COL21A1: variants seen among roughly 807,000 people sequenced by gnomAD.
COL21A1 encodes collagen alpha-1(XXI) chain.
In COL21A1, 149 loss-of-function variants were observed where a neutral mutation model predicts 137.9. The ratio of observed to expected loss-of-function variants is 1.08; its 90% CI spans 0.95 to 1.24. COL21A1 has a LOEUF of 1.24. Among genes scored for constraint, COL21A1 ranks in the 50% most tolerant of loss-of-function variants. The pLI, the probability that COL21A1 is intolerant of heterozygous loss-of-function variation, is 0.00. For missense variants in COL21A1, 1,167 were observed against 1,158.4 expected, an observed-to-expected ratio of 1.01 and a Z score of -0.11; for synonymous variants, 456 against 391.5, an observed-to-expected ratio of 1.16 and a Z score of -1.95.
At chr6:56,318,437 T>A (rs879399119) in intron 1 of COL21A1, among the ~76,000 whole-genome samples, 1 of 152,054 alleles carries the variant, frequency 6.6e-6, no homozygotes, top group South Asian at 2.1e-4. Context: ...CCTTTTCAGA[T>A]TTTTTCTCTC....
intron 1 of COL21A1, among the ~76,000 whole-genome samples, chr6:56,214,666 A>T (rs1467288578): frequency 1.3e-5 from 2 of 151,962 alleles, no homozygotes; most frequent in African/African-American, 4.8e-5. Flanking sequence ...TTCATTTAGA[A>T]CATTTTTTGC....
intron 1 of COL21A1, among the ~76,000 whole-genome samples, chr6:56,311,632 G>A (rs1016552637): frequency 1.3e-5 from 2 of 152,134 alleles, no homozygotes; most frequent in South Asian, 2.1e-4. Flanking sequence ...TGGTGTGTGT[G>A]TACATGTATT....
At chr6:56,189,239 G>A (rs1412053451) in intron 1 of COL21A1, among the ~76,000 whole-genome samples, 3 of 151,932 alleles carry the variant, frequency 2.0e-5, no homozygotes, top group African/African-American at 7.3e-5. Flanking sequence ...TAGATGAATT[G>A]ATAACTAGAA....
chr6:56,270,855 C>T (rs114262061), intron 1 of COL21A1, among the ~76,000 whole-genome samples: 2,232 of 152,270 alleles, frequency 0.015, 26 homozygotes, highest in Non-Finnish European at 0.024. Flanking sequence ...TCACCTTCTG[C>T]CACAATTGTA....
intron 1 of COL21A1, among the ~76,000 whole-genome samples, chr6:56,352,254 G>A (rs1344212868): frequency 6.6e-6 from 1 of 152,100 alleles, no homozygotes; most frequent in Non-Finnish European, 1.5e-5. Flanking sequence ...GCTCAGCACA[G>A]CACTGTTACT....
At chr6:56,280,530 T>C (rs1464863876) in intron 1 of COL21A1, among the ~76,000 whole-genome samples, 2 of 152,166 alleles carry the variant, frequency 1.3e-5, no homozygotes, top group African/African-American at 2.4e-5. Flanking sequence ...CCTGTCTTTA[T>C]GGTGAGTAAA....
At chr6:56,159,444 T>C (rs1776029116) in intron 9 of COL21A1, among the ~76,000 whole-genome samples, 1 of 151,422 alleles carries the variant, frequency 6.6e-6, no homozygotes, top group Non-Finnish European at 1.5e-5. Context: ...GTGATTCTCC[T>C]GCCTCACCCT....
intron 1 of COL21A1, among the ~76,000 whole-genome samples, chr6:56,366,046 G>T (rs984841398): frequency 1.3e-5 from 2 of 152,160 alleles, no homozygotes; most frequent in Admixed American, 6.5e-5. Context: ...GAAAATTCAA[G>T]GAAAAGGTTA....
intron 1 of COL21A1, among the ~76,000 whole-genome samples, chr6:56,267,592 T>G (rs1173910009): frequency 6.6e-6 from 1 of 151,750 alleles, no homozygotes; most frequent in Non-Finnish European, 1.5e-5. Flanking sequence ...AACCCATCTC[T>G]ACTAAAAATA....
chr6:56,173,535 A>G (rs190020877), intron 3 of COL21A1, among the ~76,000 whole-genome samples: 1 of 152,302 alleles, frequency 6.6e-6, no homozygotes, highest in Admixed American at 6.5e-5. Flanking sequence ...AAGATATTCC[A>G]TGCAAATGGT....
intron 1 of COL21A1, among the ~76,000 whole-genome samples, chr6:56,193,034 G>A (rs1031416230): frequency 6.6e-6 from 1 of 152,078 alleles, no homozygotes. Context: ...GATGAAGCTG[G>A]GAATCACCAT....
At chr6:56,103,800 A>G (rs570580843) in intron 16 of COL21A1, among the ~76,000 whole-genome samples, 1 of 152,272 alleles carries the variant, frequency 6.6e-6, no homozygotes, top group Admixed American at 6.5e-5. Flanking sequence ...AATCACCCGG[A>G]AGGTTTGTTA....
intron 1 of COL21A1, among the ~76,000 whole-genome samples, chr6:56,245,065 T>C (rs1228307192): frequency 6.6e-6 from 1 of 152,218 alleles, no homozygotes; most frequent in Non-Finnish European, 1.5e-5. Context: ...CTTCCTCTTA[T>C]ATTTTCTTGA....
In COL21A1 at chr6:56,179,660, A is replaced by T. The variant is rs369994386; in HGVS notation, c.558T>A (p.Pro186=). 1.3e-5 allele frequency: 21 copies of T among 1,613,830 alleles called. No homozygotes were observed. The highest frequency in any genetic ancestry group is 2.7e-5 in the African/African-American group (2 of 74,932). The change falls in exon 3 of 30, where the codon CCT becomes CCA. Residue 186 remains proline, a synonymous_variant. Coordinates refer to ENST00000244728, the MANE Select transcript of COL21A1 (RefSeq NM_030820.4). ...DAELRAIANK[P]SSTYVFYVED... Reference sequence around the variant, plus strand: ...CCACATAAAACACATAAGTAGACGAAGGCTTGTTGGCAATAGCTCTAAGTT... The same window carrying T: ...CCACATAAAACACATAAGTAGACGATGGCTTGTTGGCAATAGCTCTAAGTT...
intron 1 of COL21A1, among the ~76,000 whole-genome samples, chr6:56,322,690 C>T (rs1275145181): frequency 1.3e-5 from 2 of 152,022 alleles, no homozygotes; most frequent in East Asian, 1.9e-4. Flanking sequence ...AAACCTTAAA[C>T]TTATACAAGA....
At chr6:56,359,548 A>T (rs1419418596) in intron 1 of COL21A1, among the ~76,000 whole-genome samples, 1 of 152,230 alleles carries the variant, frequency 6.6e-6, no homozygotes, top group Non-Finnish European at 1.5e-5. Context: ...ACATTAATAA[A>T]GTCACATTTC....
intron 17 of COL21A1, among the ~76,000 whole-genome samples, chr6:56,084,367 TTTG>T (rs1768048209): frequency 6.6e-6 from 1 of 151,850 alleles, no homozygotes; most frequent in African/African-American, 2.4e-5. Flanking sequence ...GTGGATCCAA[TTTG>T]TTGTTTAAAA....
At chr6:56,151,097 G>T (rs1775286431) in intron 10 of COL21A1, among the ~76,000 whole-genome samples, 1 of 151,934 alleles carries the variant, frequency 6.6e-6, no homozygotes, top group South Asian at 2.1e-4. Context: ...GTGGTGGCAG[G>T]TGCCTGTAGT....
intron 17 of COL21A1, among the ~76,000 whole-genome samples, chr6:56,096,986 A>G (rs1228305271): frequency 6.6e-6 from 1 of 152,048 alleles, no homozygotes; most frequent in Non-Finnish European, 1.5e-5. Context: ...TTTGCACAGC[A>G]TAATAAAAAC....
Sources: allele counts gnomAD v4.1 joint callset (sites outside exome capture counted in the v4.1 genomes callset), GRCh38; gene constraint gnomAD v4.1.1; transcripts MANE v1.5; gene names NCBI Gene and HGNC (gene_info 2026-07-23, HGNC 2026-07-21).